Variants in ZNF385D observed in about 807,000 individuals in gnomAD.
ZNF385D encodes zinc finger protein 659.
A neutral mutation model predicts 35.8 loss-of-function variants in ZNF385D; 15 were observed. The observed-to-expected ratio is 0.42, with a 90% CI of 0.28 to 0.64. ZNF385D has a LOEUF of 0.64. Ranked by LOEUF, ZNF385D falls within the 30% of genes least tolerant of loss-of-function variation. The pLI is 0.23. For synonymous variants in ZNF385D, 212 were observed against 186.8 expected (o/e 1.13, Z -1.10); for missense variants, 474 against 494.6 (o/e 0.96, Z 0.39).
intron 2 of ZNF385D, among the ~76,000 whole-genome samples, chr3:22,289,336 A>T (rs1293054511): frequency 6.6e-6 from 1 of 152,136 alleles, no homozygotes; most frequent in East Asian, 1.9e-4. Context: ...TTCCATACAC[A>T]ATCTATTTGT....
At chr3:22,002,619 C>A (rs929659736) in intron 3 of ZNF385D, among the ~76,000 whole-genome samples, 1 of 152,056 alleles carries the variant, frequency 6.6e-6, no homozygotes, top group African/African-American at 2.4e-5. Flanking sequence ...GACAAGGGCA[C>A]AACAACAACT....
At chr3:21,488,844 G>A (rs1458174193) in intron 4 of ZNF385D, among the ~76,000 whole-genome samples, 5 of 152,118 alleles carry the variant, frequency 3.3e-5, no homozygotes, top group Non-Finnish European at 7.4e-5. Context: ...TGGAAGGAAA[G>A]TTTCAGCATT....
intron 3 of ZNF385D, among the ~76,000 whole-genome samples, chr3:21,872,293 G>C (rs1697736867): frequency 6.6e-6 from 1 of 152,106 alleles, no homozygotes; most frequent in South Asian, 2.1e-4. Context: ...CATGTTTGAA[G>C]TTGCATTTTC....
chr3:22,028,342 T>C lies in ZNF385D; in HGVS notation c.325+140475A>G, dbSNP rs192607807. 2.5e-3 allele frequency among the ~76,000 whole-genome samples: 379 copies of C among 152,202 alleles called. 4 individuals carry two copies. Among genetic ancestry groups the C allele is most frequent in the African/African-American group, 8.7e-3 (362 of 41,534 alleles). The stretch of plus-strand genomic sequence containing the variant: ...CCTCTGTCATCGCCCAGTGGGCCCA[T>C]GAAAAAAGTGGCCATGGTGGCAGGG... On this transcript the variant is annotated intron_variant, in intron 3 of 5. Coordinates refer to the ZNF385D transcript ENST00000494108.
chr3:21,552,040 C>G (rs1286573322), intron 3 of ZNF385D, among the ~76,000 whole-genome samples: 2 of 152,108 alleles, frequency 1.3e-5, no homozygotes, highest in Non-Finnish European at 2.9e-5. Context: ...GTTCATAAGG[C>G]AAAACTACTT....
chr3:21,999,864 T>C (rs1032428651), intron 3 of ZNF385D, among the ~76,000 whole-genome samples: 10 of 152,080 alleles, frequency 6.6e-5, no homozygotes, highest in African/African-American at 2.4e-4. Flanking sequence ...CATATTCTAA[T>C]TCTGGGCATC....
chr3:21,467,313 T>C (rs1243904235), intron 4 of ZNF385D, among the ~76,000 whole-genome samples: 1 of 152,198 alleles, frequency 6.6e-6, no homozygotes, highest in African/African-American at 2.4e-5. Context: ...ATTAGGAGTT[T>C]AGAAAATATT....
At chr3:21,761,685 G>A (rs2070616278) in intron 3 of ZNF385D, among the ~76,000 whole-genome samples, 1 of 152,100 alleles carries the variant, frequency 6.6e-6, no homozygotes, top group Admixed American at 6.6e-5. Flanking sequence ...CAACTCTCAA[G>A]GGGGTGTCTG....
chr3:22,100,112 GTAAATCAAAAC>G (rs995337204), intron 3 of ZNF385D, among the ~76,000 whole-genome samples: 1 of 147,350 alleles, frequency 6.8e-6, no homozygotes, highest in African/African-American at 2.6e-5. Context: ...TCAGAGAAAT[GTAAATCAAAAC>G]CACAATGAGA....
intron 3 of ZNF385D, among the ~76,000 whole-genome samples, chr3:22,069,783 T>C (rs1192686183): frequency 2.6e-5 from 4 of 152,148 alleles, no homozygotes; most frequent in East Asian, 1.9e-4. Context: ...CATGGCCCTA[T>C]TGCTTTTCTT....
intron 4 of ZNF385D, among the ~76,000 whole-genome samples, chr3:21,439,969 T>C (rs1441760593): frequency 6.6e-6 from 1 of 152,062 alleles, no homozygotes; most frequent in Non-Finnish European, 1.5e-5. Context: ...GTGAAAGAAA[T>C]AAAAAGTTAT....
chr3:21,672,259 T>C (rs1416136142), intron 1 of ZNF385D, among the ~76,000 whole-genome samples: 1 of 151,744 alleles, frequency 6.6e-6, no homozygotes, highest in African/African-American at 2.4e-5. Context: ...TTTTTTTCTT[T>C]TCTTTTCTTT....
chr3:21,469,829 G>GA (rs997692419), intron 4 of ZNF385D, among the ~76,000 whole-genome samples: 11 of 151,326 alleles, frequency 7.3e-5, no homozygotes, highest in Non-Finnish European at 1.0e-4. Context: ...AGGCTTAAAG[G>GA]AAAAAAAAGC....
intron 3 of ZNF385D, among the ~76,000 whole-genome samples, chr3:21,984,006 G>A (rs559451958): frequency 0.039 from 5,232 of 135,716 alleles, 127 homozygotes; most frequent in Middle Eastern, 0.082. Context: ...ACTTTTTGAT[G>A]GGGTTGTTTG....
In ZNF385D at chr3:21,809,615, T is replaced by C. The variant is rs377236043; in HGVS notation, c.326-144587A>G. Among the ~76,000 whole-genome samples, 7 of 150,518 alleles carry C rather than the reference T, an allele frequency of 4.7e-5. No individual in the cohort carries two copies. In the East Asian group the frequency reaches 7.8e-4, roughly 17 times the overall value. On this transcript the variant is annotated intron_variant, in intron 3 of 5. Coordinates refer to the ZNF385D transcript ENST00000494108. ...ATATATATATACACATATATATACA[T>C]ATATACATACACACATATATACACA... is the stretch of plus-strand genomic sequence containing the variant.
intron 3 of ZNF385D, among the ~76,000 whole-genome samples, chr3:21,915,217 T>C (rs74862429): frequency 0.028 from 4,227 of 152,134 alleles, 89 homozygotes; most frequent in Non-Finnish European, 0.039. Flanking sequence ...ATTTTTAGAA[T>C]CTCAGAAAAA....
chr3:21,502,960 T>C, intron 4 of ZNF385D, among the ~76,000 whole-genome samples: 1 of 152,174 alleles, frequency 6.6e-6, no homozygotes, highest in East Asian at 1.9e-4. Context: ...GATGCTTTGT[T>C]AGGGAGAATG....
intron 2 of ZNF385D, among the ~76,000 whole-genome samples, chr3:21,648,306 T>G (rs2065813159): frequency 6.6e-6 from 1 of 152,192 alleles, no homozygotes; most frequent in Non-Finnish European, 1.5e-5. Flanking sequence ...AGAAGATCTT[T>G]GCTTCCTCTT....
chr3:21,557,014 A>AT (rs1287334303), intron 3 of ZNF385D, among the ~76,000 whole-genome samples: 2 of 152,112 alleles, frequency 1.3e-5, no homozygotes, highest in African/African-American at 4.8e-5. Context: ...TGGCACATTG[A>AT]TTTTGTCTCC....
Sources: allele counts gnomAD v4.1 joint callset (sites outside exome capture counted in the v4.1 genomes callset), GRCh38; gene constraint gnomAD v4.1.1; transcripts MANE v1.5; gene names NCBI Gene and HGNC (gene_info 2026-07-23, HGNC 2026-07-21).